Variants in NEGR1 observed in about 807,000 individuals in gnomAD.
NEGR1 encodes the protein neuronal growth regulator 1.
Under a neutral mutation model 40.9 loss-of-function variants are expected in NEGR1, and 10 were observed. That is an observed-to-expected ratio of 0.24 (90% CI 0.15 to 0.42). The LOEUF (loss-of-function observed/expected upper bound fraction) is 0.42, where lower values mean the gene tolerates loss of function less well. Ranked by LOEUF, NEGR1 falls within the 10% of genes least tolerant of loss-of-function variation. The probability of loss-of-function intolerance (pLI) is 1.00; values close to 1 mark genes in which losing one functional copy is unlikely to be tolerated. For synonymous variants in NEGR1, 185 were observed against 166.8 expected (o/e 1.11, Z -0.84); for missense variants, 352 against 438.9 (o/e 0.80, Z 1.77).
intron 6 of NEGR1, among the ~76,000 whole-genome samples, chr1:71,426,193 A>G (rs1442520517): frequency 6.6e-6 from 1 of 152,208 alleles, no homozygotes; most frequent in Admixed American, 6.5e-5. Flanking sequence ...TTATATACAA[A>G]AAGTAAAGTG....
At chr1:72,072,381 A>AT (rs1334597047) in intron 1 of NEGR1, among the ~76,000 whole-genome samples, 1 of 152,082 alleles carries the variant, frequency 6.6e-6, no homozygotes, top group Non-Finnish European at 1.5e-5. Context: ...AATAGGAAAT[A>AT]TTTTTCTCAT....
At chr1:71,860,769 C>T (rs1166801878) in intron 2 of NEGR1, among the ~76,000 whole-genome samples, 1 of 151,950 alleles carries the variant, frequency 6.6e-6, no homozygotes, top group African/African-American at 2.4e-5. Flanking sequence ...CATCTCCTCT[C>T]TTATGTACAG....
intron 2 of NEGR1, among the ~76,000 whole-genome samples, chr1:71,809,609 C>T (rs1557660849): frequency 6.6e-6 from 1 of 151,982 alleles, no homozygotes; most frequent in African/African-American, 2.4e-5. Context: ...GTATCCATAG[C>T]AATAATGAAT....
intron 3 of NEGR1, among the ~76,000 whole-genome samples, chr1:71,743,457 TTATAAC>T (rs1317094152): frequency 6.6e-6 from 1 of 152,130 alleles, no homozygotes; most frequent in African/African-American, 2.4e-5. Flanking sequence ...ACTAAAATTT[TTATAAC>T]TATATCAGCC....
chr1:71,581,715 A>T (rs34773512), intron 6 of NEGR1, among the ~76,000 whole-genome samples: 79,044 of 134,250 alleles, frequency 0.59, 22,762 homozygotes, highest in Non-Finnish European at 0.71. Context: ...TTTTTTTTTT[A>T]AATTTGAGAC....
At chr1:71,965,152 C>T (rs1028881260) in intron 1 of NEGR1, among the ~76,000 whole-genome samples, 1 of 152,114 alleles carries the variant, frequency 6.6e-6, no homozygotes, top group African/African-American at 2.4e-5. Context: ...CTAGCCATCA[C>T]CACTTTTGCG....
chr1:72,208,289 G>A (rs1365939146), intron 1 of NEGR1, among the ~76,000 whole-genome samples: 7 of 151,630 alleles, frequency 4.6e-5, no homozygotes, highest in Non-Finnish European at 8.9e-5. Context: ...AAATGCCAAA[G>A]TACAGATAAA....
intron 2 of NEGR1, among the ~76,000 whole-genome samples, chr1:71,846,766 C>G (rs1199923409): frequency 1.3e-5 from 2 of 152,136 alleles, no homozygotes; most frequent in African/African-American, 4.8e-5. Context: ...ATAGGCAGTG[C>G]CTTCTTGCTG....
In NEGR1 at chr1:72,154,079, G is replaced by A. The variant is rs554716882; in HGVS notation, c.176+128240C>T. ...AATGTGAGTATCTCATTGCAGATGCGTGGGGAGATGTAACCTGGATAGATT... is the reference window on the plus strand; with the variant it reads ...AATGTGAGTATCTCATTGCAGATGCATGGGGAGATGTAACCTGGATAGATT... On this transcript the variant is annotated intron_variant, in intron 1 of 6. Transcript: ENST00000357731. Among the ~76,000 whole-genome samples the A allele has an allele frequency of 1.3e-4, 20 of 151,946 alleles. No homozygotes were observed. The South Asian group carries it at 2.1e-3, about 16-fold the overall frequency.
intron 6 of NEGR1, among the ~76,000 whole-genome samples, chr1:71,571,188 T>C (rs1217610610): frequency 6.6e-6 from 1 of 152,200 alleles, no homozygotes; most frequent in African/African-American, 2.4e-5. Context: ...TTCTTATTCA[T>C]GAATATATTT....
chr1:71,888,543 C>T (rs1660804819), intron 2 of NEGR1, among the ~76,000 whole-genome samples: 1 of 151,036 alleles, frequency 6.6e-6, no homozygotes, highest in African/African-American at 2.4e-5. Flanking sequence ...AGACTATATC[C>T]CACACCTGGC....
At chr1:71,531,998 G>A (rs1277746085) in intron 6 of NEGR1, among the ~76,000 whole-genome samples, 4 of 151,330 alleles carry the variant, frequency 2.6e-5, no homozygotes, top group Non-Finnish European at 5.9e-5. Context: ...TTTCTGGAAT[G>A]AGAGGAGAAA....
At chr1:71,740,537 C>T (rs1655181523) in intron 3 of NEGR1, among the ~76,000 whole-genome samples, 3 of 152,038 alleles carry the variant, frequency 2.0e-5, no homozygotes, top group Admixed American at 2.0e-4. Context: ...GAACTTCATC[C>T]CACAAAGATG....
In NEGR1 at chr1:71,931,315, A is replaced by T. The variant is rs903476298; in HGVS notation, c.409+3764T>A. 2.0e-5 allele frequency among the ~76,000 whole-genome samples: 3 copies of T among 152,284 alleles called. No individual in the cohort carries two copies. In the East Asian group the frequency reaches 5.8e-4, roughly 29 times the overall value. ...TATGTTTATTTAATACACGCTATCT[A>T]TGAGTGTCTAATTTGTGCTCTATAC... On this transcript the variant is annotated intron_variant, in intron 2 of 6. Transcript: ENST00000357731.
intron 2 of NEGR1, among the ~76,000 whole-genome samples, chr1:71,862,540 T>G (rs748805579): frequency 2.0e-5 from 3 of 152,098 alleles, no homozygotes; most frequent in African/African-American, 7.2e-5. Flanking sequence ...GCTCTGCATT[T>G]GTATTAAGGA....
intron 2 of NEGR1, among the ~76,000 whole-genome samples, chr1:71,842,093 T>C (rs1659261133): frequency 6.6e-6 from 1 of 152,190 alleles, no homozygotes; most frequent in Non-Finnish European, 1.5e-5. Context: ...AGATGATTGG[T>C]AATAGACATT....
At chr1:71,525,787 C>G (rs1235411452) in intron 6 of NEGR1, among the ~76,000 whole-genome samples, 2 of 151,624 alleles carry the variant, frequency 1.3e-5, no homozygotes, top group African/African-American at 4.8e-5. Context: ...ATTTATAAGT[C>G]TGTTTTATGT....
intron 4 of NEGR1, among the ~76,000 whole-genome samples, chr1:71,614,164 A>G (rs1380697626): frequency 1.6e-5 from 2 of 123,318 alleles, no homozygotes; most frequent in South Asian, 2.6e-4. Flanking sequence ...TAAATTGGTG[A>G]AAAAAATGAA....
At chr1:71,770,618 C>G (rs970420431) in intron 3 of NEGR1, among the ~76,000 whole-genome samples, 4 of 152,136 alleles carry the variant, frequency 2.6e-5, no homozygotes, top group Middle Eastern at 3.4e-3. Context: ...TAGAAGTAAA[C>G]AAAATGATGG....
Sources: gnomAD v4.1 joint callset for allele counts (sites outside exome capture counted in the v4.1 genomes callset) on GRCh38, gnomAD v4.1.1 for gene constraint, MANE v1.5 for transcripts, NCBI Gene and HGNC (gene_info 2026-07-23, HGNC 2026-07-21) for gene names.